IL13RA1: variants seen among roughly 807,000 people sequenced by gnomAD.
IL13RA1 encodes interleukin-13 receptor subunit alpha-1.
Under a neutral mutation model 33.8 loss-of-function variants are expected in IL13RA1, and 14 were observed. The observed-to-expected ratio is 0.41, with a 90% CI of 0.27 to 0.65. The LOEUF (loss-of-function observed/expected upper bound fraction) is 0.65, where lower values mean the gene tolerates loss of function less well. Ranked by LOEUF, IL13RA1 falls within the 30% of genes least tolerant of loss-of-function variation. The probability of loss-of-function intolerance (pLI) is 0.28; values close to 1 mark genes in which losing one functional copy is unlikely to be tolerated. For missense variants in IL13RA1, 313 were observed against 327.0 expected (o/e 0.96, Z 0.33); for synonymous variants, 116 against 115.7 (o/e 1.00, Z -0.02).
At chrX:118,729,356 A>G (rs2017190312) in intron 1 of IL13RA1, among the ~76,000 whole-genome samples, 1 of 112,295 alleles carries the variant, frequency 8.9e-6, no homozygotes, top group African/African-American at 3.2e-5. Flanking sequence ...TTTCCCCATT[A>G]AAAGTATTGA....
intron 1 of IL13RA1, among the ~76,000 whole-genome samples, chrX:118,740,247 G>A (rs771436781): frequency 1.8e-5 from 2 of 112,182 alleles, no homozygotes; most frequent in African/African-American, 3.2e-5. Flanking sequence ...GTGAGCCGCC[G>A]TGCCCAGTCT....
In IL13RA1 at chrX:118,740,962, A is replaced by C. The variant is rs2017337455; in HGVS notation, c.89-55A>C. ...CTCTAGGACTTGGGAGAATTAAGCA[A>C]ACCATTAAAAATACTGTTGATAAAT... On this transcript the variant is annotated intron_variant, in intron 1 of 10. Coordinates refer to ENST00000371666, the MANE Select transcript of IL13RA1 (RefSeq NM_001560.3). The C allele has an allele frequency of 3.7e-6, 3 of 815,065 alleles. No individual in the cohort carries two copies. The East Asian group carries it at 9.4e-5, about 26-fold the overall frequency. 67.2% of individuals were successfully genotyped at this position (815,065 alleles called of 1,213,427 possible).
intron 1 of IL13RA1, chrX:118,738,245 G>C (rs970689865): frequency 4.5e-5 from 5 of 111,413 alleles, no homozygotes; most frequent in Non-Finnish European, 9.4e-5. Flanking sequence ...ATAGATTAAA[G>C]GGTATATGCA....
downstream of IL13RA1, among the ~76,000 whole-genome samples, chrX:118,797,180 C>T (rs924654228): frequency 2.7e-5 from 3 of 112,169 alleles, no homozygotes; most frequent in East Asian, 2.8e-4. Context: ...TAGGCATCAG[C>T]GTTCTCATCT....
the IL13RA1 span, among the ~76,000 whole-genome samples, chrX:118,801,878 A>G: frequency 8.9e-6 from 1 of 112,635 alleles, no homozygotes; most frequent in Non-Finnish European, 1.9e-5. Context: ...TTTTTAGAAA[A>G]AAATTCTATG....
At chrX:118,782,064 C>T (rs915536141) in intron 10 of IL13RA1, among the ~76,000 whole-genome samples, 1 of 111,416 alleles carries the variant, frequency 9.0e-6, no homozygotes, top group African/African-American at 3.3e-5. Context: ...ATCATTTCTA[C>T]ATTTACTTTT....
At chrX:118,760,991 C>G (rs1003700534) in intron 5 of IL13RA1, 147 bp from the exon 6 acceptor site, 4 of 368,054 alleles carry the variant, frequency 1.1e-5, no homozygotes, top group Non-Finnish European at 1.9e-5. Context: ...ACATGTTCAG[C>G]ACAGATGCTA....
At chrX:118,773,730 GAAGAT>G in intron 8 of IL13RA1, 144 bp from the exon 9 acceptor site, 1 of 436,774 alleles carries the variant, frequency 2.3e-6, no homozygotes. Flanking sequence ...TAATTTAACA[GAAGAT>G]AAGATAATTG....
chrX:118,776,645 G>A (rs1287608400), intron 10 of IL13RA1, 134 bp downstream of exon 10: 1 of 359,989 alleles, frequency 2.8e-6, no homozygotes, highest in African/African-American at 2.8e-5. Context: ...TAAGTATACA[G>A]TTCAGGCTGG....
At chrX:118,748,118 A>G (rs996241782) in intron 3 of IL13RA1, among the ~76,000 whole-genome samples, 1 of 100,691 alleles carries the variant, frequency 9.9e-6, no homozygotes, top group Non-Finnish European at 2.0e-5. Flanking sequence ...TGTAATATAT[A>G]TAATATTATA....
Position 118,784,101 on chromosome X carries a change from A to ATATATACGTATATATG in IL13RA1, c.1191+7596_1191+7597insCGTATATATGTATATA, listed in dbSNP as rs2017881020. 7.6e-5 allele frequency among the ~76,000 whole-genome samples: 5 copies of ATATATACGTATATATG among 65,494 alleles called. No homozygotes were observed. The East Asian group carries it at 3.3e-3, about 43-fold the overall frequency. The allele number at this position is 65,494 out of a possible 115,157, so 56.9% of individuals were successfully genotyped here. On this transcript the variant is annotated intron_variant, in intron 10 of 10. Coordinates refer to ENST00000371666, the MANE Select transcript of IL13RA1 (RefSeq NM_001560.3). ...CCAAAAAAAAAAAAAATATATATAT[A>ATATATACGTATATATG]TATATATACGTATATATGTATATAT...
chrX:118,781,282 G>T (rs1479632238), intron 10 of IL13RA1, among the ~76,000 whole-genome samples: 1 of 111,480 alleles, frequency 9.0e-6, no homozygotes, highest in African/African-American at 3.3e-5. Flanking sequence ...TTCTTGTTCA[G>T]AAAGGAGCTT....
rs772434176 is a variant in IL13RA1, at chrX:118,740,990, AT to A, written c.89-18del. On this transcript the variant is annotated intron_variant, in intron 1 of 10. Coordinates refer to ENST00000371666, the MANE Select transcript of IL13RA1 (RefSeq NM_001560.3). Reference sequence around the variant, plus strand: ...CATTAAAAATACTGTTGATAAATTCATTTTTTTTTGTCCTTGATTTGAACAG... The same window carrying A: ...CATTAAAAATACTGTTGATAAATTCATTTTTTTTGTCCTTGATTTGAACAG... 970 of 1,011,648 alleles carry A rather than the reference AT, an allele frequency of 9.6e-4. 1 individual carries two copies. Among genetic ancestry groups the A allele is most frequent in the African/African-American group, 4.3e-3 (227 of 52,867 alleles). 83.4% of individuals were successfully genotyped at this position (1,011,648 alleles called of 1,213,427 possible).
chrX:118,784,090 A>AAAATATATAT lies in IL13RA1; in HGVS notation c.1191+7580_1191+7581insAATATATATA, dbSNP rs1556372973. Among the ~76,000 whole-genome samples, 13 of 63,955 alleles carry AAAATATATAT rather than the reference A, an allele frequency of 2.0e-4. 1 individual carries two copies. The East Asian group carries it at 2.7e-3, about 13-fold the overall frequency. 55.5% of individuals were successfully genotyped at this position (63,955 alleles called of 115,157 possible). A position where few individuals can be genotyped will look rare whatever the true frequency, so the allele number is the denominator to read the frequency against. ...AGACTCTGTCGCCAAAAAAAAAAAA[A>AAAATATATAT]ATATATATATATATATATACGTATA... On this transcript the variant is annotated intron_variant, in intron 10 of 10. Coordinates refer to ENST00000371666, the MANE Select transcript of IL13RA1 (RefSeq NM_001560.3).
At chrX:118,736,397 C>T (rs1442383325) in intron 1 of IL13RA1, among the ~76,000 whole-genome samples, 1 of 110,523 alleles carries the variant, frequency 9.0e-6, no homozygotes, top group Admixed American at 9.6e-5. Flanking sequence ...TCTGGTTTCT[C>T]TGGAAACCAG....
intron 1 of IL13RA1, among the ~76,000 whole-genome samples, chrX:118,730,422 G>A (rs2017203422): frequency 8.9e-6 from 1 of 112,215 alleles, no homozygotes; most frequent in Non-Finnish European, 1.9e-5. Flanking sequence ...TAGTGTTATG[G>A]AAGAGGTAAA....
At chrX:118,768,888 T>C (rs2017679459) in intron 8 of IL13RA1, among the ~76,000 whole-genome samples, 1 of 111,930 alleles carries the variant, frequency 8.9e-6, no homozygotes, top group African/African-American at 3.2e-5. Flanking sequence ...TCCAAAACTG[T>C]GAGATAATAC....
chrX:118,803,485 T>G, the IL13RA1 span, among the ~76,000 whole-genome samples: 1 of 112,343 alleles, frequency 8.9e-6, no homozygotes, highest in Non-Finnish European at 1.9e-5. Context: ...TAAGGACCCT[T>G]TTTGTTTTAA....
chrX:118,780,077 A>G (rs995507980), intron 10 of IL13RA1, among the ~76,000 whole-genome samples: 2 of 112,428 alleles, frequency 1.8e-5, no homozygotes, highest in Non-Finnish European at 3.8e-5. Context: ...AGACCATTAA[A>G]CAAAATCAGT....
Sources: gnomAD v4.1 joint callset for allele counts (sites outside exome capture counted in the v4.1 genomes callset) on GRCh38, gnomAD v4.1.1 for gene constraint, MANE v1.5 for transcripts, NCBI Gene and HGNC (gene_info 2026-07-23, HGNC 2026-07-21) for gene names.